Variants in FNTA observed in about 807,000 individuals in gnomAD.
The protein encoded by FNTA is protein farnesyltransferase/geranylgeranyltransferase type-1 subunit alpha.
In FNTA, 27 loss-of-function variants were observed where a neutral mutation model predicts 55.2. The observed-to-expected ratio is 0.49, with a 90% CI of 0.36 to 0.67. The LOEUF is 0.67. Among genes scored for constraint, FNTA ranks in the 30% least tolerant of loss-of-function variants. The pLI, the probability that FNTA is intolerant of heterozygous loss-of-function variation, is 0.00. For missense variants in FNTA, 422 were observed against 464.7 expected, an observed-to-expected ratio of 0.91 and a Z score of 0.85; for synonymous variants, 176 against 170.7, an observed-to-expected ratio of 1.03 and a Z score of -0.24.
At chr8:43,057,347 A>C (rs775118049) in intron 1 of FNTA, 4 of 152,204 alleles carry the variant, frequency 2.6e-5, no homozygotes, top group Non-Finnish European at 5.9e-5. Context: ...GATTTTGTGA[A>C]TGAGTAGAAG....
chr8:43,071,983 A>G (rs927655180), intron 4 of FNTA, among the ~76,000 whole-genome samples, 198 bp from the exon 5 acceptor site: 1 of 152,226 alleles, frequency 6.6e-6, no homozygotes, highest in African/African-American at 2.4e-5. Flanking sequence ...ATACTACCAG[A>G]TGTAGTTTGA....
intron 6 of FNTA, chr8:43,081,307 A>T (rs1218934833): frequency 6.6e-6 from 1 of 152,026 alleles, no homozygotes; most frequent in Non-Finnish European, 1.5e-5. Context: ...CAACCTAGAT[A>T]ATAATGTTAC....
At chr8:43,074,797 T>G (rs1033091962) in intron 5 of FNTA, among the ~76,000 whole-genome samples, 1 of 152,138 alleles carries the variant, frequency 6.6e-6, no homozygotes, top group Non-Finnish European at 1.5e-5. Flanking sequence ...TGAGGTAGTT[T>G]CTGTGTGCTG....
chr8:43,079,240 C>A (rs150546600), intron 6 of FNTA: 193 of 196,866 alleles, frequency 9.8e-4, no homozygotes, highest in African/African-American at 4.4e-3. Context: ...AAACAGCCTT[C>A]TATTGGAAGA....
In FNTA at chr8:43,077,270, G is replaced by A; in HGVS notation, c.688G>A (p.Asp230Asn). ...LQYVDQLLKE[D>N]VRNNSVWNQR... ...GTATGTGGACCAACTTCTGAAAGAG[G>A]ATGTGAGAAATAACTCTGTCTGGAA... Residue 230 changes from aspartate (D) to asparagine (N), a missense_variant, in exon 6 of 9, where the codon GAT becomes AAT. Transcript: ENST00000302279. The A allele has an allele frequency of 3.1e-6, 5 of 1,611,738 alleles. No individual in the cohort carries two copies. Among genetic ancestry groups the A allele is most frequent in the Non-Finnish European group, 4.2e-6 (5 of 1,178,504 alleles).
chr8:43,061,797 G>A (rs1439180715), intron 2 of FNTA, among the ~76,000 whole-genome samples: 5 of 151,800 alleles, frequency 3.3e-5, no homozygotes, highest in Non-Finnish European at 7.4e-5. Flanking sequence ...TTGGCTCACC[G>A]CGACCTCCGC....
rs900017210 is a variant in FNTA at position 43,084,605 on chromosome 8, C to G, written c.846-105C>G. 6.2e-6 allele frequency: 5 copies of G among 812,202 alleles called. No homozygotes were observed. In the African/African-American group the frequency reaches 6.9e-5, roughly 11 times the overall value. 50.3% of individuals were successfully genotyped at this position (812,202 alleles called of 1,614,324 possible). A position where few individuals can be genotyped will look rare whatever the true frequency, so the allele number is the denominator to read the frequency against. On this transcript the variant is annotated intron_variant, in intron 7 of 8. Transcript: ENST00000302279. ...TCAGCGTCATTCATTCAAAATAACT[C>G]TCCTTTTCTTGTTTGTGTTTCAGGG...
chr8:43,064,067 A>G (rs771849182), intron 2 of FNTA, 34 bp from the exon 3 acceptor site: 3 of 1,287,480 alleles, frequency 2.3e-6, no homozygotes, highest in African/African-American at 1.5e-5. Context: ...TTTAAGTAAG[A>G]TGGTCCTAAT....
intron 2 of FNTA, among the ~76,000 whole-genome samples, chr8:43,063,630 C>A (rs1230037138): frequency 6.6e-6 from 1 of 151,980 alleles, no homozygotes; most frequent in African/African-American, 2.4e-5. Context: ...GAAGGATACA[C>A]TAGAATGAGT....
chr8:43,068,605 A>G (rs1586656468), intron 3 of FNTA, among the ~76,000 whole-genome samples: 1 of 151,266 alleles, frequency 6.6e-6, no homozygotes, highest in East Asian at 2.0e-4. Context: ...TTCATATTAT[A>G]GAACATAGGT....
chr8:43,066,595 T>TGTGTGG (rs1237791752), intron 3 of FNTA, among the ~76,000 whole-genome samples: 3 of 151,408 alleles, frequency 2.0e-5, no homozygotes, highest in Non-Finnish European at 4.4e-5. Context: ...TTCGTGTGTG[T>TGTGTGG]GTGTGTGTGT....
intron 3 of FNTA, 85 bp from the exon 4 acceptor site, chr8:43,069,470 T>TTGC: frequency 1.2e-6 from 1 of 849,598 alleles, no homozygotes; most frequent in Admixed American, 2.0e-5. Flanking sequence ...TCTAACTGTA[T>TTGC]TGCTGACTTG....
At chr8:43,080,135 A>G (rs888394033) in intron 6 of FNTA, 6 of 152,252 alleles carry the variant, frequency 3.9e-5, no homozygotes, top group Admixed American at 2.6e-4. Context: ...TAAATATTGT[A>G]AATATTACCT....
intron 5 of FNTA, among the ~76,000 whole-genome samples, chr8:43,075,158 T>G (rs1161597492): frequency 6.6e-6 from 1 of 152,190 alleles, no homozygotes; most frequent in Non-Finnish European, 1.5e-5. Flanking sequence ...ATTAAATTGT[T>G]ACATTGATAC....
chr8:43,070,133 TC>T (rs1350707978), intron 4 of FNTA: 1 of 147,800 alleles, frequency 6.8e-6, no homozygotes, highest in African/African-American at 2.5e-5. Context: ...GTGCCTGTAA[TC>T]CCAGCTACTC....
chr8:43,080,089 G>A (rs1810994149), intron 6 of FNTA: 1 of 152,226 alleles, frequency 6.6e-6, no homozygotes, highest in African/African-American at 2.4e-5. Context: ...CAACGACGTT[G>A]TGAAATGACA....
intron 5 of FNTA, among the ~76,000 whole-genome samples, chr8:43,074,040 T>C (rs1004948004): frequency 6.6e-6 from 1 of 152,148 alleles, no homozygotes; most frequent in African/African-American, 2.4e-5. Flanking sequence ...AAAATTTTAG[T>C]TTTAAACGTT....
intron 4 of FNTA, chr8:43,070,333 A>G (rs1296026544): frequency 6.6e-6 from 1 of 151,044 alleles, no homozygotes; most frequent in South Asian, 2.1e-4. Context: ...TAAAAAATAA[A>G]TTAAAAAACT....
At chr8:43,065,485 G>A (rs981798710) in intron 3 of FNTA, among the ~76,000 whole-genome samples, 1 of 152,110 alleles carries the variant, frequency 6.6e-6, no homozygotes, top group African/African-American at 2.4e-5. Flanking sequence ...GACCTCGGGT[G>A]ATCCACCAGT....
Sources: gnomAD v4.1 joint callset for allele counts (sites outside exome capture counted in the v4.1 genomes callset) on GRCh38, gnomAD v4.1.1 for gene constraint, MANE v1.5 for transcripts, NCBI Gene and HGNC (gene_info 2026-07-23, HGNC 2026-07-21) for gene names.